KIF21A: variants seen among roughly 807,000 people sequenced by gnomAD.
The protein encoded by KIF21A is kinesin-like protein KIF21A.
KIF21A carries 114 observed loss-of-function variants against 202.9 expected under a neutral mutation model. The observed-to-expected ratio is 0.56, with a 90% CI of 0.48 to 0.66. The LOEUF (loss-of-function observed/expected upper bound fraction) is 0.66. Ranked by LOEUF, KIF21A falls within the 30% of genes least tolerant of loss-of-function variation. The probability of loss-of-function intolerance (pLI) is 0.00; values close to 1 mark genes in which losing one functional copy is unlikely to be tolerated. For synonymous variants in KIF21A, 667 were observed against 670.8 expected (o/e 0.99, Z 0.09); for missense variants, 1,677 against 1,994.9 (o/e 0.84, Z 3.04).
chr12:39,337,055 G>A (rs199992154), intron 17 of KIF21A, 41 bp downstream of exon 17: 6 of 1,344,044 alleles, frequency 4.5e-6, no homozygotes, highest in Admixed American at 1.7e-5. Context: ...CTTTTTCAAC[G>A]TACAATTTTC....
chr12:39,337,077 A>C lies in KIF21A; in HGVS notation c.2418+19T>G. 1 of 1,476,354 alleles carries C rather than the reference A, an allele frequency of 6.8e-7. No homozygotes were observed. The highest frequency in any genetic ancestry group is 9.5e-7 in the Non-Finnish European group (1 of 1,057,804). The allele number at this position is 1,476,354 out of a possible 1,614,324, so 91.5% of individuals were successfully genotyped here. A position where few individuals can be genotyped will look rare whatever the true frequency, so the allele number is the denominator to read the frequency against. On this transcript the variant is annotated intron_variant, in intron 17 of 37. Coordinates refer to ENST00000361418, the MANE Select transcript of KIF21A (RefSeq NM_001173464.2). ...AACGTACAATTTTCTTATATAACTG[A>C]GAGTTAAAATCCACTTACATCTCTT...
At chr12:39,403,270 T>C (rs1467260713) in intron 1 of KIF21A, among the ~76,000 whole-genome samples, 1 of 152,196 alleles carries the variant, frequency 6.6e-6, no homozygotes, top group East Asian at 1.9e-4. Context: ...TACATGCCCT[T>C]ATGGAACTCA....
intron 5 of KIF21A, 34 bp from the exon 6 acceptor site, chr12:39,366,551 T>C: frequency 1.4e-6 from 2 of 1,453,996 alleles, no homozygotes; most frequent in Non-Finnish European, 9.5e-7. Context: ...AAATACTTTA[T>C]TAATGTAACA....
rs138308566 is a variant in KIF21A at position 39,352,795 on chromosome 12, A to G, written c.1470-815T>C. Among the ~76,000 whole-genome samples, 480 of 152,290 alleles carry G rather than the reference A, an allele frequency of 3.2e-3. 5 individuals are homozygous for G. The highest frequency in any genetic ancestry group is 0.011 in the African/African-American group (472 of 41,570). The stretch of plus-strand genomic sequence containing the variant: ...AAAAAATTCTTTTGTTTGCTCAAGC[A>G]GTCCTAATAATGACAGGAGAATAAC... On this transcript the variant is annotated intron_variant, in intron 10 of 37. Transcript: ENST00000361418.
In KIF21A at chr12:39,424,619, C is replaced by A. The variant is rs1292776935; in HGVS notation, c.44+18308G>T. Among the ~76,000 whole-genome samples the A allele has an allele frequency of 4.6e-5, 7 of 152,256 alleles. No homozygotes were observed. The South Asian group carries it at 1.5e-3, about 32-fold the overall frequency. The stretch of plus-strand genomic sequence containing the variant: ...CAAAAAATCAATTTCACCTCAAAGC[C>A]CCAAGCCTAAGAATCTACTTGATCC... On this transcript the variant is annotated intron_variant, in intron 1 of 37. Transcript: ENST00000361418.
At chr12:39,406,799 C>T (rs1221202671) in intron 1 of KIF21A, among the ~76,000 whole-genome samples, 2 of 152,120 alleles carry the variant, frequency 1.3e-5, no homozygotes, top group Non-Finnish European at 2.9e-5. Context: ...CTTAAATGGG[C>T]CCTCAGCACT....
At chr12:39,315,016 C>T (rs542729960) in intron 31 of KIF21A, among the ~76,000 whole-genome samples, 2 of 151,962 alleles carry the variant, frequency 1.3e-5, no homozygotes, top group East Asian at 1.9e-4. Context: ...TAGAAACATA[C>T]AGCCATGGTA....
intron 1 of KIF21A, among the ~76,000 whole-genome samples, chr12:39,418,325 C>T (rs1485073859): frequency 6.6e-6 from 1 of 152,062 alleles, no homozygotes; most frequent in African/African-American, 2.4e-5. Context: ...GTTAGTAATT[C>T]GGTAGGAATG....
chr12:39,380,282 T>A (rs1030549721), intron 1 of KIF21A, among the ~76,000 whole-genome samples: 5 of 152,116 alleles, frequency 3.3e-5, no homozygotes, highest in African/African-American at 9.7e-5. Flanking sequence ...AACGCTTTTT[T>A]AAAGCACTAC....
rs1369964741 is a variant in KIF21A at position 39,340,983 on chromosome 12, T to G, written c.2033A>C (p.Tyr678Ser). Reference protein sequence around the residue: ...QKRLQTLKKQYEEKLMMLQHK... With the variant: ...QKRLQTLKKQSEEKLMMLQHK... Reference sequence around the variant, plus strand: ...TTGCAGCATCATTAGCTTCTCTTCATACTGCTTTTTCAGAGTCTGCAGTCT... The same window carrying G: ...TTGCAGCATCATTAGCTTCTCTTCAGACTGCTTTTTCAGAGTCTGCAGTCT... Residue 678 changes from tyrosine (Y) to serine (S), a missense_variant, in exon 15 of 38, where the codon TAT (tyrosine) becomes TCT (serine). Coordinates refer to ENST00000361418, the MANE Select transcript of KIF21A (RefSeq NM_001173464.2). 1 of 1,613,314 alleles carries G rather than the reference T, an allele frequency of 6.2e-7. No individual in the cohort carries two copies. Among genetic ancestry groups the G allele is most frequent in the South Asian group, 1.1e-5 (1 of 91,038 alleles).
intron 1 of KIF21A, among the ~76,000 whole-genome samples, chr12:39,393,390 G>A (rs1259291111): frequency 1.3e-5 from 2 of 152,154 alleles, no homozygotes; most frequent in African/African-American, 4.8e-5. Flanking sequence ...CAAGAGATAA[G>A]AAAAAGGCAC....
intron 1 of KIF21A, among the ~76,000 whole-genome samples, chr12:39,416,179 C>A (rs1953567276): frequency 6.6e-6 from 1 of 151,988 alleles, no homozygotes; most frequent in Admixed American, 6.6e-5. Context: ...TGAAAAAAAT[C>A]AAAAAGGCAA....
chr12:39,412,870 T>C (rs1953227005), intron 1 of KIF21A, among the ~76,000 whole-genome samples: 1 of 152,228 alleles, frequency 6.6e-6, no homozygotes, highest in African/African-American at 2.4e-5. Flanking sequence ...TTTAAAATGC[T>C]GCACTAAAAC....
At chr12:39,360,582 G>A (rs1309874533) in intron 7 of KIF21A, among the ~76,000 whole-genome samples, 5 of 151,976 alleles carry the variant, frequency 3.3e-5, no homozygotes, top group African/African-American at 9.7e-5. Flanking sequence ...TAGTAGAAAC[G>A]GGGTTTTGCC....
At chr12:39,374,923 G>T (rs557617989) in intron 1 of KIF21A, among the ~76,000 whole-genome samples, 1 of 152,190 alleles carries the variant, frequency 6.6e-6, no homozygotes, top group Non-Finnish European at 1.5e-5. Flanking sequence ...CATGCACTAT[G>T]CACCAGTACT....
Position 39,442,937 on chromosome 12 carries a change from C to A in KIF21A, c.34G>T (p.Val12Leu). 1 of 1,524,738 alleles carries A rather than the reference C, an allele frequency of 6.6e-7. No individual in the cohort carries two copies. The highest frequency in any genetic ancestry group is 8.7e-7 in the Non-Finnish European group (1 of 1,142,910). The allele number at this position is 1,524,738 out of a possible 1,614,324, so 94.5% of individuals were successfully genotyped here. ...GCAGACTGTCCTCACCTGACAGCCA[C>A]CCGCACGGAGCTCTCGTCCGGGGCG... Reference protein sequence around the residue: ...LGAPDESSVRVAVRIRPQLAK... With the variant: ...LGAPDESSVRLAVRIRPQLAK... The change falls in exon 1 of 38, where the codon GTG becomes TTG. Residue 12 changes from valine (V) to leucine (L), a missense_variant. Around this residue, in one of 3 missense-constraint regions of KIF21A, gnomAD observed 966 missense variants for 1,180.9 expected, o/e 0.82. Coordinates refer to ENST00000361418, the MANE Select transcript of KIF21A (RefSeq NM_001173464.2). The surrounding 1 kb of genome is among the most constrained non-coding windows in gnomAD (Gnocchi z 5.0).
chr12:39,319,365 G>C (rs1944951077), intron 28 of KIF21A, among the ~76,000 whole-genome samples: 1 of 152,094 alleles, frequency 6.6e-6, no homozygotes, highest in African/African-American at 2.4e-5. Context: ...ATTATACTAT[G>C]TACTGCTAAG....
At chr12:39,414,942 T>TA (rs1555197159) in intron 1 of KIF21A, among the ~76,000 whole-genome samples, 1 of 150,038 alleles carries the variant, frequency 6.7e-6, no homozygotes, top group African/African-American at 2.5e-5. Context: ...TTTTTTTTTT[T>TA]AATGGAATGG....
chr12:39,406,204 A>G (rs1248711800), intron 1 of KIF21A, among the ~76,000 whole-genome samples: 1 of 152,168 alleles, frequency 6.6e-6, no homozygotes. Flanking sequence ...TTCAAGTTTT[A>G]ACAAATTTTC....
Sources: allele counts gnomAD v4.1 joint callset (sites outside exome capture counted in the v4.1 genomes callset), GRCh38; gene constraint gnomAD v4.1.1; regional missense constraint gnomAD v4.1.1; non-coding constraint Gnocchi (gnomAD v3.1); transcripts MANE v1.5; gene names NCBI Gene and HGNC (gene_info 2026-07-23, HGNC 2026-07-21).